TMEM132D: variants seen among roughly 807,000 people sequenced by gnomAD.
TMEM132D encodes the protein transmembrane protein 132D.
In TMEM132D, 21 loss-of-function variants were observed where a neutral mutation model predicts 62.3. That is an observed-to-expected ratio of 0.34 (90% CI 0.24 to 0.49). The LOEUF is 0.49. TMEM132D is among the 20% of genes least tolerant of loss of function. The probability of loss-of-function intolerance (pLI) is 0.99; values close to 1 mark genes in which losing one functional copy is unlikely to be tolerated. For synonymous variants in TMEM132D, 621 were observed against 575.6 expected (o/e 1.08, Z -1.13); for missense variants, 1,346 against 1,402.8 (o/e 0.96, Z 0.65).
chr12:129,214,738 A>G (rs914037367), intron 4 of TMEM132D, among the ~76,000 whole-genome samples: 3 of 152,228 alleles, frequency 2.0e-5, no homozygotes, highest in African/African-American at 7.2e-5. Context: ...GAGAAATGCA[A>G]ATCAAAACCA....
At chr12:129,137,073 T>A (rs1264273786) in intron 5 of TMEM132D, among the ~76,000 whole-genome samples, 1 of 150,044 alleles carries the variant, frequency 6.7e-6, no homozygotes, top group African/African-American at 2.5e-5. Context: ...ATTACCACTA[T>A]CACCATCATC....
chr12:129,662,673 G>C (rs1880270143), intron 2 of TMEM132D, among the ~76,000 whole-genome samples: 2 of 151,796 alleles, frequency 1.3e-5, no homozygotes, highest in South Asian at 4.2e-4. Flanking sequence ...CACGCCTGTA[G>C]TCCCAGCTAA....
At chr12:129,219,046 G>C (rs1370689404) in intron 4 of TMEM132D, among the ~76,000 whole-genome samples, 2 of 152,180 alleles carry the variant, frequency 1.3e-5, no homozygotes, top group Admixed American at 6.5e-5. Context: ...CATGATGTCA[G>C]AAAAACCCTG....
At chr12:129,359,341 T>TA (rs1870175280) in intron 3 of TMEM132D, among the ~76,000 whole-genome samples, 2 of 152,168 alleles carry the variant, frequency 1.3e-5, no homozygotes, top group South Asian at 4.1e-4. Flanking sequence ...GTGATGGTGG[T>TA]ACAACATTAT....
At chr12:129,636,254 AAG>A (rs1879472592) in intron 2 of TMEM132D, among the ~76,000 whole-genome samples, 1 of 152,254 alleles carries the variant, frequency 6.6e-6, no homozygotes, top group South Asian at 2.1e-4. Context: ...CCTTCCCCAC[AAG>A]AGACAGATTT....
At chr12:129,743,290 T>A in intron 1 of TMEM132D, among the ~76,000 whole-genome samples, 1 of 152,162 alleles carries the variant, frequency 6.6e-6, no homozygotes, top group East Asian at 1.9e-4. Context: ...GTTCCCATAC[T>A]CCCCACGTGC....
intron 3 of TMEM132D, among the ~76,000 whole-genome samples, chr12:129,356,633 C>A (rs1870058936): frequency 6.8e-6 from 1 of 147,772 alleles, no homozygotes; most frequent in African/African-American, 2.5e-5. Flanking sequence ...TTCCGGACAA[C>A]ATGGTGAAAC....
intron 3 of TMEM132D, among the ~76,000 whole-genome samples, chr12:129,487,057 G>GT (rs1172232100): frequency 6.6e-6 from 1 of 151,784 alleles, no homozygotes; most frequent in African/African-American, 2.4e-5. Flanking sequence ...GGGTGTAGCT[G>GT]TGTGACAGTT....
At chr12:129,546,422 G>T (rs909073849) in intron 2 of TMEM132D, among the ~76,000 whole-genome samples, 4 of 152,002 alleles carry the variant, frequency 2.6e-5, no homozygotes, top group African/African-American at 9.7e-5. Flanking sequence ...ATTTCAAATA[G>T]GCAGCTCCCT....
intron 2 of TMEM132D, among the ~76,000 whole-genome samples, chr12:129,538,314 A>G (rs772859546): frequency 2.0e-5 from 3 of 152,238 alleles, no homozygotes; most frequent in Non-Finnish European, 2.9e-5. Context: ...TTTTATATAA[A>G]TAGGATCATG....
At chr12:129,345,409 C>G (rs1238374133) in intron 3 of TMEM132D, among the ~76,000 whole-genome samples, 1 of 152,184 alleles carries the variant, frequency 6.6e-6, no homozygotes, top group African/African-American at 2.4e-5. Context: ...TTCCAAAGAA[C>G]TCACCGCTAG....
chr12:129,753,869 C>A (rs1870078476), intron 1 of TMEM132D, among the ~76,000 whole-genome samples: 1 of 152,196 alleles, frequency 6.6e-6, no homozygotes, highest in South Asian at 2.1e-4. Flanking sequence ...TCTTTCTCAT[C>A]TTTGTCATAA....
intron 4 of TMEM132D, among the ~76,000 whole-genome samples, chr12:129,326,963 C>G (rs1868935148): frequency 6.6e-6 from 1 of 152,138 alleles, no homozygotes; most frequent in Non-Finnish European, 1.5e-5. Flanking sequence ...GATACTTGCG[C>G]CTCTATGCAG....
At chr12:129,606,223 T>C (rs764966043) in intron 2 of TMEM132D, among the ~76,000 whole-genome samples, 8 of 152,154 alleles carry the variant, frequency 5.3e-5, no homozygotes, top group Non-Finnish European at 8.8e-5. Context: ...AATGTCATTT[T>C]AGTTTCCATC....
intron 8 of TMEM132D, among the ~76,000 whole-genome samples, chr12:129,075,412 A>C (rs1874219009): frequency 6.6e-6 from 1 of 152,176 alleles, no homozygotes; most frequent in Non-Finnish European, 1.5e-5. Flanking sequence ...AAATTGCACG[A>C]CAAAGGAAAT....
chr12:129,389,663 G>T (rs1419398687), intron 3 of TMEM132D, among the ~76,000 whole-genome samples: 1 of 152,162 alleles, frequency 6.6e-6, no homozygotes, highest in Non-Finnish European at 1.5e-5. Flanking sequence ...TAATGCAAAT[G>T]CAAATACTAA....
chr12:129,542,083 ATC>A (rs1464835812), intron 2 of TMEM132D, among the ~76,000 whole-genome samples: 1 of 152,212 alleles, frequency 6.6e-6, no homozygotes, highest in Non-Finnish European at 1.5e-5. Flanking sequence ...AGCCAAGTCA[ATC>A]ACCTCAGCAG....
At chr12:129,110,554 A>G (rs1201669714) in intron 5 of TMEM132D, 1 of 152,248 alleles carries the variant, frequency 6.6e-6, no homozygotes, top group Non-Finnish European at 1.5e-5. Flanking sequence ...TATTCCAGCA[A>G]GCGAAAACAT....
At chr12:129,624,341 C>T (rs1421183568) in intron 2 of TMEM132D, among the ~76,000 whole-genome samples, 4 of 152,158 alleles carry the variant, frequency 2.6e-5, no homozygotes, top group Non-Finnish European at 5.9e-5. Flanking sequence ...TCTTCAGAGA[C>T]CCGGCAGAAC....
Sources: gnomAD v4.1 joint callset for allele counts (sites outside exome capture counted in the v4.1 genomes callset) on GRCh38, gnomAD v4.1.1 for gene constraint, MANE v1.5 for transcripts, NCBI Gene and HGNC (gene_info 2026-07-23, HGNC 2026-07-21) for gene names.